Variants in RAI14 observed in about 807,000 individuals in gnomAD.
RAI14 encodes retinoic acid induced 14, also known as ankycorbin.
Under a neutral mutation model 115.4 loss-of-function variants are expected in RAI14, and 45 were observed. That is an observed-to-expected ratio of 0.39 (90% CI 0.31 to 0.50). The LOEUF (loss-of-function observed/expected upper bound fraction) is 0.50. Ranked by LOEUF, RAI14 falls within the 20% of genes least tolerant of loss-of-function variation. The pLI, the probability that RAI14 is intolerant of heterozygous loss-of-function variation, is 0.85. For missense variants in RAI14, 939 were observed against 1,131.2 expected (o/e 0.83, Z 2.44); for synonymous variants, 371 against 415.4 (o/e 0.89, Z 1.30).
chr5:34,746,522 C>T (rs558805113), intron 2 of RAI14, among the ~76,000 whole-genome samples: 5 of 150,894 alleles, frequency 3.3e-5, no homozygotes, highest in South Asian at 2.1e-4. Flanking sequence ...CTCCTGCCTC[C>T]GCCTCCCGAG....
rs748985259 is a variant in RAI14 at position 34,823,329 on chromosome 5, T to C, written c.1487T>C (p.Met496Thr). ...KETQSKYEEA[M>T]KEVLSVQKQM... ...ACTCAGAGCAAATACGAGGAGGCTA[T>C]GAAAGAAGTCCTTAGTGTGCAGAAG... The change falls in exon 15 of 18, where the codon ATG (methionine) becomes ACG (threonine). Residue 496 changes from methionine to threonine, a missense_variant. By Grantham distance (81) the Met-to-Thr change is moderately conservative. Coordinates refer to ENST00000265109, the MANE Select transcript of RAI14 (RefSeq NM_015577.3). This position sits in a 1 kb window ranked among gnomAD's most constrained non-coding sequence, Gnocchi z 4.5. The C allele has an allele frequency of 3.7e-6, 6 of 1,614,014 alleles. No homozygotes were observed. The highest frequency in any genetic ancestry group is 1.3e-5 in the African/African-American group (1 of 75,062).
chr5:34,665,455 T>C (rs1045226297), intron 1 of RAI14, among the ~76,000 whole-genome samples: 3 of 150,238 alleles, frequency 2.0e-5, no homozygotes, highest in Non-Finnish European at 3.0e-5. Flanking sequence ...CCTTTTGCAC[T>C]AGGGCAGCAC....
intron 4 of RAI14, 58 bp from the exon 5 acceptor site, chr5:34,803,654 A>T: frequency 1.4e-6 from 2 of 1,394,896 alleles, no homozygotes; most frequent in Non-Finnish European, 2.0e-6. Context: ...TAAGAAAGAG[A>T]TTTTTTTTAA....
intron 2 of RAI14, among the ~76,000 whole-genome samples, chr5:34,708,518 A>G (rs1347187772): frequency 2.0e-5 from 3 of 152,164 alleles, no homozygotes; most frequent in Non-Finnish European, 4.4e-5. Flanking sequence ...ACATATTTTT[A>G]AGAAGTCTGC....
Position 34,741,352 on chromosome 5 carries a change from G to T in RAI14, c.37-16116G>T, listed in dbSNP as rs1203237556. ...CACACACATGGTAGAGCCAAGATTT[G>T]AACTCAGGAACCCAGAATCCAGGCT... On this transcript the variant is annotated intron_variant, in intron 2 of 17. Transcript: ENST00000265109. Among the ~76,000 whole-genome samples, 3 of 152,212 alleles carry T rather than the reference G, an allele frequency of 2.0e-5. No homozygotes were observed. The East Asian group carries it at 5.8e-4, about 29-fold the overall frequency.
chr5:34,671,050 G>T (rs1326913010), intron 1 of RAI14, among the ~76,000 whole-genome samples: 2 of 152,102 alleles, frequency 1.3e-5, no homozygotes, highest in South Asian at 2.1e-4. Context: ...CAGAAAACTT[G>T]GGGCTAGGAT....
intron 3 of RAI14, among the ~76,000 whole-genome samples, chr5:34,758,314 A>C (rs1748168498): frequency 6.6e-6 from 1 of 152,226 alleles, no homozygotes; most frequent in African/African-American, 2.4e-5. Flanking sequence ...GTGCCCTCAG[A>C]AGCAGGCTCT....
chr5:34,768,881 C>T (rs1380814922), intron 3 of RAI14, among the ~76,000 whole-genome samples: 1 of 150,706 alleles, frequency 6.6e-6, no homozygotes, highest in Non-Finnish European at 1.5e-5. Context: ...CCCAGCTACT[C>T]GAGAGGCTGA....
intron 1 of RAI14, among the ~76,000 whole-genome samples, chr5:34,679,178 A>G (rs566165273): frequency 6.6e-6 from 1 of 152,272 alleles, no homozygotes; most frequent in South Asian, 2.1e-4. Context: ...ACCCTCCCAC[A>G]ATCCACACAC....
chr5:34,763,920 G>A (rs532438673), intron 3 of RAI14, among the ~76,000 whole-genome samples: 17 of 152,210 alleles, frequency 1.1e-4, no homozygotes, highest in African/African-American at 3.4e-4. Context: ...GAGTGGTTTC[G>A]GCTCACTGCA....
chr5:34,724,071 CG>C (rs1358107376), intron 2 of RAI14, among the ~76,000 whole-genome samples: 2 of 152,140 alleles, frequency 1.3e-5, no homozygotes, highest in African/African-American at 4.8e-5. Context: ...GGCTGGAGTG[CG>C]GTGGCGCAAT....
In RAI14 at chr5:34,826,489, C is replaced by A; in HGVS notation, c.2799+10C>A. 6.2e-7 allele frequency: 1 copy of A among 1,610,758 alleles called. No homozygotes were observed. Among genetic ancestry groups the A allele is most frequent in the Non-Finnish European group, 8.5e-7 (1 of 1,178,018 alleles). Reference sequence around the variant, plus strand: ...CCAGAACCAGCTGGCGGTGAGTGGGCTTGTTTCTGCTGCCTGGTTTGGGGT... The same window carrying A: ...CCAGAACCAGCTGGCGGTGAGTGGGATTGTTTCTGCTGCCTGGTTTGGGGT... On this transcript the variant is annotated intron_variant, in intron 16 of 17. Coordinates refer to ENST00000265109, the MANE Select transcript of RAI14 (RefSeq NM_015577.3).
At chr5:34,757,983 T>A (rs1580156236) in intron 3 of RAI14, 1 of 158,144 alleles carries the variant, frequency 6.3e-6, no homozygotes, top group South Asian at 1.9e-4. Context: ...TTAACATAGA[T>A]CATTAAGTAC....
At chr5:34,663,639 A>G (rs1742872688) in intron 1 of RAI14, among the ~76,000 whole-genome samples, 1 of 152,214 alleles carries the variant, frequency 6.6e-6, no homozygotes, top group African/African-American at 2.4e-5. Flanking sequence ...TTTATATTCT[A>G]TGTGTCCAGT....
intron 3 of RAI14, among the ~76,000 whole-genome samples, chr5:34,762,813 TAA>T (rs1748823172): frequency 6.6e-6 from 1 of 152,146 alleles, no homozygotes; most frequent in African/African-American, 2.4e-5. Flanking sequence ...TGCATTTAAT[TAA>T]AGTTATGTGT....
chr5:34,663,704 A>T (rs1423874848), intron 1 of RAI14, among the ~76,000 whole-genome samples: 2 of 152,210 alleles, frequency 1.3e-5, no homozygotes. Flanking sequence ...CCTGCCTCAG[A>T]GGTCATTAAG....
rs181534510 is a variant in RAI14, at chr5:34,761,727, C to T, written c.167+4129C>T. Among the ~76,000 whole-genome samples, 413 of 152,290 alleles carry T rather than the reference C, an allele frequency of 2.7e-3. 1 individual carries two copies. Among genetic ancestry groups the T allele is most frequent in the African/African-American group, 9.0e-3 (372 of 41,550 alleles). ...AATGCCACCCTCCCTGGTTCTCTTC[C>T]GCCTTTTTGACTTTTCTTCTCTTTG... On this transcript the variant is annotated intron_variant, in intron 3 of 17. Coordinates refer to ENST00000265109, the MANE Select transcript of RAI14 (RefSeq NM_015577.3).
chr5:34,684,026 C>T (rs1410325953), intron 1 of RAI14, among the ~76,000 whole-genome samples: 3 of 152,202 alleles, frequency 2.0e-5, no homozygotes, highest in African/African-American at 4.8e-5. Context: ...CGTGCCCGGC[C>T]GGCGATTTCC....
At chr5:34,752,090 CGT>C (rs909724751) in intron 2 of RAI14, among the ~76,000 whole-genome samples, 2 of 152,080 alleles carry the variant, frequency 1.3e-5, no homozygotes, top group African/African-American at 4.8e-5. Flanking sequence ...GGAGACATCG[CGT>C]TCACCCTGAT....
Sources: gnomAD v4.1 joint callset for allele counts (sites outside exome capture counted in the v4.1 genomes callset) on GRCh38, gnomAD v4.1.1 for gene constraint, Gnocchi (gnomAD v3.1) non-coding constraint, MANE v1.5 for transcripts, NCBI Gene and HGNC (gene_info 2026-07-23, HGNC 2026-07-21) for gene names.